Variants in KMT2B observed in about 807,000 individuals in gnomAD.
The protein encoded by KMT2B is histone-lysine N-methyltransferase 2B.
KMT2B carries 22 observed loss-of-function variants against 255.3 expected under a neutral mutation model. The observed-to-expected ratio is 0.09, with a 90% CI of 0.06 to 0.12. The LOEUF is 0.12. Ranked by LOEUF, KMT2B falls within the 10% of genes least tolerant of loss-of-function variation. The pLI is 1.00. For missense variants in KMT2B, 3,149 were observed against 3,737.0 expected (o/e 0.84, Z 4.10); for synonymous variants, 1,730 against 1,498.1 (o/e 1.15, Z -3.57).
Position 35,725,063 on chromosome 19 carries a change from G to T in KMT2B, c.3504G>T (p.Val1168=). The T allele has an allele frequency of 3.7e-6, 6 of 1,613,710 alleles. No homozygotes were observed. The highest frequency in any genetic ancestry group is 5.1e-6 in the Non-Finnish European group (6 of 1,179,650). Residue 1168 remains valine, a synonymous_variant, in exon 10 of 37, where the codon GTG becomes GTT. Coordinates refer to ENST00000420124, the MANE Select transcript of KMT2B (RefSeq NM_014727.3). This position sits in a 1 kb window ranked among gnomAD's most constrained non-coding sequence, Gnocchi z 4.1. Reference sequence around the variant, plus strand: ...GAAAGCAGAAGTCTCCCGATGGTGTGCACCGCGTCCGTGTGGATTTTAAGG... The same window carrying T: ...GAAAGCAGAAGTCTCCCGATGGTGTTCACCGCGTCCGTGTGGATTTTAAGG... ...WTGKQKSPDG[V]HRVRVDFKED...
At chr19:35,730,314 C>T in intron 23 of KMT2B, 28 bp from the exon 24 acceptor site, 1 of 1,608,692 alleles carries the variant, frequency 6.2e-7, no homozygotes, top group South Asian at 1.1e-5. Context: ...CCAATGCAGC[C>T]ACCTCACTTT....
chr19:35,718,239 G>T lies in KMT2B; in HGVS notation c.221G>T (p.Arg74Leu). 5 of 1,188,596 alleles carry T rather than the reference G, an allele frequency of 4.2e-6. No individual in the cohort carries two copies. The highest frequency in any genetic ancestry group is 5.2e-6 in the Non-Finnish European group (5 of 954,342). The allele number at this position is 1,188,596 out of a possible 1,614,324, so 73.6% of individuals were successfully genotyped here. The change falls in exon 1 of 37, where the codon CGC (arginine) becomes CTC (leucine). Residue 74 changes from arginine to leucine, a missense_variant. Around this residue, in one of 18 missense-constraint regions of KMT2B, gnomAD observed 1,188 missense variants for 1,106.4 expected, o/e 1.07. Transcript: ENST00000420124. The surrounding 1 kb of genome is among the most constrained non-coding windows in gnomAD (Gnocchi z 5.0). Reference protein sequence around the residue: ...DTALLRLLGLRRGLRRLRRLW... With the variant: ...DTALLRLLGLLRGLRRLRRLW... Reference sequence around the variant, plus strand: ...GCCCTGCTCCGTTTGCTGGGGCTCCGCCGGGGCCTGCGCCGGCTCCGCCGC... The same window carrying T: ...GCCCTGCTCCGTTTGCTGGGGCTCCTCCGGGGCCTGCGCCGGCTCCGCCGC...
rs1213746578 is a variant in KMT2B, at chr19:35,722,986, C to T, written c.2723-9C>T. 2 of 1,557,762 alleles carry T rather than the reference C, an allele frequency of 1.3e-6. No homozygotes were observed. Among genetic ancestry groups the T allele is most frequent in the South Asian group, 1.2e-5 (1 of 83,716 alleles). ...GGCTCCATCCCCTCCTCCCTGCCTG[C>T]TGCAATAGATACATCATCGGCGTCC... On this transcript the variant is annotated splice_polypyrimidine_tract_variant and intron_variant, in intron 5 of 36. Coordinates refer to ENST00000420124, the MANE Select transcript of KMT2B (RefSeq NM_014727.3).
Position 35,725,941 on chromosome 19 carries a change from G to A in KMT2B, c.3885+123G>A, listed in dbSNP as rs1969421626. On this transcript the variant is annotated intron_variant, in intron 13 of 36. Transcript: ENST00000420124. The surrounding 1 kb of genome is among the most constrained non-coding windows in gnomAD (Gnocchi z 4.1). Reference sequence around the variant, plus strand: ...TGGGGATCCTCTTAAGAATTGATTAGTAATGTTTCCTCTTCAAAAATTTCA... The same window carrying A: ...TGGGGATCCTCTTAAGAATTGATTAATAATGTTTCCTCTTCAAAAATTTCA... The A allele has an allele frequency of 2.4e-6, 2 of 820,066 alleles. No homozygotes were observed. The highest frequency in any genetic ancestry group is 3.2e-5 in the South Asian group (2 of 61,798). The allele number at this position is 820,066 out of a possible 1,614,324, so 50.8% of individuals were successfully genotyped here. A position where few individuals can be genotyped will look rare whatever the true frequency, so the allele number is the denominator to read the frequency against.
chr19:35,719,173 C>G (rs1031755657), intron 1 of KMT2B, among the ~76,000 whole-genome samples: 1 of 152,112 alleles, frequency 6.6e-6, no homozygotes, highest in African/African-American at 2.4e-5. Flanking sequence ...GAGTATGGGG[C>G]CTGCTGCCTT....
In KMT2B at chr19:35,719,443, C is replaced by T. The variant is rs1013880604; in HGVS notation, c.364-26C>T. ...GCTTTGGCACTGACTGCTGTTTCTC[C>T]CCTCCACCCCGGTCCCCTAAATCAG... On this transcript the variant is annotated intron_variant, in intron 1 of 36. Coordinates refer to ENST00000420124, the MANE Select transcript of KMT2B (RefSeq NM_014727.3). 7.8e-6 allele frequency: 12 copies of T among 1,546,258 alleles called. No homozygotes were observed. The African/African-American group carries it at 1.1e-4, about 14-fold the overall frequency.
chr19:35,737,761 G>C lies in KMT2B; in HGVS notation c.7658+18G>C. On this transcript the variant is annotated intron_variant, in intron 34 of 36. Coordinates refer to ENST00000420124, the MANE Select transcript of KMT2B (RefSeq NM_014727.3). This position sits in a 1 kb window ranked among gnomAD's most constrained non-coding sequence, Gnocchi z 5.3. Reference sequence around the variant, plus strand: ...TCAACCAGGTATGGAGTGTGAGCTGGGGGGCGGGTGGTGGTCTGGAAGGGT... The same window carrying C: ...TCAACCAGGTATGGAGTGTGAGCTGCGGGGCGGGTGGTGGTCTGGAAGGGT... 6.4e-7 allele frequency: 1 copy of C among 1,557,758 alleles called. No homozygotes were observed. The highest frequency in any genetic ancestry group is 2.4e-5 in the East Asian group (1 of 41,982).
chr19:35,733,875 A>G lies in KMT2B; in HGVS notation c.7159+3A>G, dbSNP rs1166208125. On this transcript the variant is annotated splice_donor_region_variant and intron_variant, in intron 30 of 36. Transcript: ENST00000420124. The surrounding 1 kb of genome is among the most constrained non-coding windows in gnomAD (Gnocchi z 4.3). ...GTCCCAGTGGCACCACTATTCAGGTAGGGACCGGCCTTGCCCTCTCCCTCC... is the reference window on the plus strand; with the variant it reads ...GTCCCAGTGGCACCACTATTCAGGTGGGGACCGGCCTTGCCCTCTCCCTCC... 4 of 1,607,098 alleles carry G rather than the reference A, an allele frequency of 2.5e-6. No homozygotes were observed. Among genetic ancestry groups the G allele is most frequent in the African/African-American group, 1.3e-5 (1 of 74,822 alleles).
chr19:35,723,190 T>A lies in KMT2B; in HGVS notation c.2918T>A (p.Leu973Gln). ...MARCGHCRGC[L>Q]RVQDCGSCVN... is the part of the protein sequence containing the mutation. The stretch of plus-strand genomic sequence containing the variant: ...CGATGTGGACACTGTCGGGGCTGCC[T>A]ACGTGTGCAGGACTGTGGGTCCTGT... Residue 973 changes from leucine (L) to glutamine (Q), a missense_variant, in exon 6 of 37, where the codon CTA (leucine) becomes CAA (glutamine). Around this residue, in one of 18 missense-constraint regions of KMT2B, gnomAD observed 132 missense variants for 174.7 expected, o/e 0.76. Coordinates refer to ENST00000420124, the MANE Select transcript of KMT2B (RefSeq NM_014727.3). The surrounding 1 kb of genome is among the most constrained non-coding windows in gnomAD (Gnocchi z 7.5). 6.2e-7 allele frequency: 1 copy of A among 1,613,372 alleles called. No individual in the cohort carries two copies. Among genetic ancestry groups the A allele is most frequent in the Non-Finnish European group, 8.5e-7 (1 of 1,179,868 alleles).
rs1239057433 is a variant in KMT2B, at chr19:35,738,181, A to G, written c.7862A>G (p.Tyr2621Cys). ...SVLTDKREKF[Y>C]DGKGIGCYMF... ...TTGACTGACAAGCGGGAGAAGTTCT[A>G]CGATGGGAAGGTGGGCTCCCAGTGG... Residue 2621 changes from tyrosine (Y) to cysteine (C), a missense_variant, in exon 36 of 37, where the codon TAC becomes TGC. Around this residue, in one of 18 missense-constraint regions of KMT2B, gnomAD observed 56 missense variants for 238.8 expected, o/e 0.23. Coordinates refer to ENST00000420124, the MANE Select transcript of KMT2B (RefSeq NM_014727.3). The surrounding 1 kb of genome is among the most constrained non-coding windows in gnomAD (Gnocchi z 8.7). 2 of 1,613,758 alleles carry G rather than the reference A, an allele frequency of 1.2e-6. No individual in the cohort carries two copies. The highest frequency in any genetic ancestry group is 2.2e-5 in the East Asian group (1 of 44,850).
rs55836857 is a variant in KMT2B, at chr19:35,722,003, CT to C, written c.2457+215del. On this transcript the variant is annotated intron_variant, in intron 3 of 36. Transcript: ENST00000420124. ...GTGCTAGTTCCCTGTCCCTATCTTCCTTTTTTTTTTTTTTTTATTTTTGAGA... is the reference window on the plus strand; with the variant it reads ...GTGCTAGTTCCCTGTCCCTATCTTCCTTTTTTTTTTTTTTTATTTTTGAGA... Among the ~76,000 whole-genome samples, 55,352 of 134,380 alleles carry C rather than the reference CT, an allele frequency of 0.41. 9,905 individuals carry two copies. The highest frequency in any genetic ancestry group is 0.64 in the African/African-American group (21,301 of 33,376). 88.2% of individuals were successfully genotyped at this position (134,380 alleles called of 152,430 possible).
chr19:35,727,371 C>G lies in KMT2B; in HGVS notation c.4118-67C>G. 1.3e-6 allele frequency: 2 copies of G among 1,593,374 alleles called. No individual in the cohort carries two copies. The stretch of plus-strand genomic sequence containing the variant: ...TGGTGGGCTAAGGGTCCTTGCTGGC[C>G]TAGGGGCTGCTGGGAGCCCTCACAT... On this transcript the variant is annotated intron_variant, in intron 15 of 36. Transcript: ENST00000420124. The surrounding 1 kb of genome is among the most constrained non-coding windows in gnomAD (Gnocchi z 4.2).
At position 35,721,034 on chromosome 19, in the gene KMT2B, C is replaced by T; in HGVS notation, c.1687C>T (p.Leu563=). Residue 563 remains leucine (L), a synonymous_variant, in exon 3 of 37, where the codon CTG becomes TTG. Coordinates refer to ENST00000420124, the MANE Select transcript of KMT2B (RefSeq NM_014727.3). ...CCCAAAGGTGGAGGTCTCACCTGTC[C>T]TGCGACCTCCCATTACCACCTCCCC... The part of the protein sequence containing the change: ...KPPKVEVSPV[L]RPPITTSPPV... The T allele has an allele frequency of 6.2e-7, 1 of 1,609,562 alleles. No individual in the cohort carries two copies. Among genetic ancestry groups the T allele is most frequent in the East Asian group, 2.2e-5 (1 of 44,546 alleles).
chr19:35,721,074 A>G lies in KMT2B; in HGVS notation c.1727A>G (p.Glu576Gly). 6.2e-7 allele frequency: 1 copy of G among 1,605,484 alleles called. No homozygotes were observed. ...PITTSPPVPQ[E>G]PAPVPSPPRA... Reference sequence around the variant, plus strand: ...ACCACCTCCCCACCTGTTCCCCAGGAGCCAGCACCAGTCCCCTCTCCACCA... The same window carrying G: ...ACCACCTCCCCACCTGTTCCCCAGGGGCCAGCACCAGTCCCCTCTCCACCA... The change falls in exon 3 of 37, where the codon GAG (glutamate) becomes GGG (glycine). Residue 576 changes from glutamate to glycine, a missense_variant. Transcript: ENST00000420124.
chr19:35,733,679 A>G lies in KMT2B; in HGVS notation c.7042A>G (p.Ser2348Gly). The G allele has an allele frequency of 6.2e-7, 1 of 1,602,804 alleles. No homozygotes were observed. The highest frequency in any genetic ancestry group is 8.5e-7 in the Non-Finnish European group (1 of 1,175,036). The change falls in exon 29 of 37, where the codon AGT (serine) becomes GGT (glycine). Residue 2348 changes from serine to glycine, a missense_variant. Ser to Gly is a moderately conservative substitution (Grantham distance 56, BLOSUM62 0). Around this residue, in one of 18 missense-constraint regions of KMT2B, gnomAD observed 897 missense variants for 825.3 expected, o/e 1.09. Transcript: ENST00000420124. The surrounding 1 kb of genome is among the most constrained non-coding windows in gnomAD (Gnocchi z 4.3). Reference sequence around the variant, plus strand: ...GCCTGGGGAGCCCGCTGGGGAAGAAAGTCCTGGGTGAGTGGCCAGGCCCCT... The same window carrying G: ...GCCTGGGGAGCCCGCTGGGGAAGAAGGTCCTGGGTGAGTGGCCAGGCCCCT... ...DRPGEPAGEE[S>G]PGPLQERSPL... is the part of the protein sequence containing the mutation.
rs1289058481 is a variant in KMT2B at position 35,721,044 on chromosome 19, C to T, written c.1697C>T (p.Pro566Leu). 6.2e-7 allele frequency: 1 copy of T among 1,609,922 alleles called. No individual in the cohort carries two copies. The highest frequency in any genetic ancestry group is 1.3e-5 in the African/African-American group (1 of 74,532). Residue 566 changes from proline (P) to leucine (L), a missense_variant, in exon 3 of 37, where the codon CCC (proline) becomes CTC (leucine). Coordinates refer to ENST00000420124, the MANE Select transcript of KMT2B (RefSeq NM_014727.3). ...GAGGTCTCACCTGTCCTGCGACCTCCCATTACCACCTCCCCACCTGTTCCC... is the reference window on the plus strand; with the variant it reads ...GAGGTCTCACCTGTCCTGCGACCTCTCATTACCACCTCCCCACCTGTTCCC... ...KVEVSPVLRP[P>L]ITTSPPVPQE...
rs958176191 is a variant in KMT2B, at chr19:35,719,456, T to C, written c.364-13T>C. ...CTGCTGTTTCTCCCCTCCACCCCGG[T>C]CCCCTAAATCAGGAGTTTCAGGGTT... is the stretch of plus-strand genomic sequence containing the variant. On this transcript the variant is annotated splice_polypyrimidine_tract_variant and intron_variant, in intron 1 of 36. Transcript: ENST00000420124. 1.9e-6 allele frequency: 3 copies of C among 1,569,274 alleles called. No homozygotes were observed. The African/African-American group carries it at 4.1e-5, about 21-fold the overall frequency.
At chr19:35,721,937 C>T (rs2146441326) in intron 3 of KMT2B, 133 bp downstream of exon 3, 1 of 1,231,820 alleles carries the variant, frequency 8.1e-7, no homozygotes, top group South Asian at 1.6e-5. Flanking sequence ...TTCTGTGATC[C>T]CCCACCTTCC....
Position 35,720,308 on chromosome 19 carries a change from T to C in KMT2B, c.961T>C (p.Leu321=). ...AKKVKMGQLS[L]GLESGQGQGQ... is the part of the protein sequence containing the mutation. The stretch of plus-strand genomic sequence containing the variant: ...AAAAGTAAAGATGGGACAATTGTCC[T>C]TGGGACTCGAATCAGGTCAAGGTCA... The change falls in exon 3 of 37, where the codon TTG becomes CTG. Residue 321 remains leucine, a synonymous_variant. Transcript: ENST00000420124. 6.2e-6 allele frequency: 10 copies of C among 1,613,154 alleles called. No homozygotes were observed. The highest frequency in any genetic ancestry group is 8.5e-6 in the Non-Finnish European group (10 of 1,179,670).
Sources: gnomAD v4.1 joint callset for allele counts (sites outside exome capture counted in the v4.1 genomes callset) on GRCh38, gnomAD v4.1.1 for gene constraint, gnomAD v4.1.1 regional missense constraint, Gnocchi (gnomAD v3.1) non-coding constraint, MANE v1.5 for transcripts, NCBI Gene and HGNC (gene_info 2026-07-23, HGNC 2026-07-21) for gene names.